The following PALLD variants were observed in gnomAD, a reference collection of about 807,000 sequenced individuals.
The protein encoded by PALLD is palladin, cytoskeletal associated protein, also known as palladin.
Under a neutral mutation model 123.5 loss-of-function variants are expected in PALLD, and 61 were observed. That is an observed-to-expected ratio of 0.49 (90% CI 0.40 to 0.61). PALLD has a LOEUF of 0.61. Ranked by LOEUF, PALLD falls within the 20% of genes least tolerant of loss-of-function variation. The pLI is 0.00. For missense variants in PALLD, 1,273 were observed against 1,377.0 expected (o/e 0.92, Z 1.20); for synonymous variants, 465 against 496.4 (o/e 0.94, Z 0.84).
At chr4:168,791,502 G>T (rs532603271) in intron 10 of PALLD, among the ~76,000 whole-genome samples, 1 of 152,172 alleles carries the variant, frequency 6.6e-6, no homozygotes, top group African/African-American at 2.4e-5. Flanking sequence ...AGAAAAAAGC[G>T]CAGGAGGAAC....
intron 2 of PALLD, among the ~76,000 whole-genome samples, chr4:168,516,003 C>G (rs970828945): frequency 6.6e-6 from 1 of 152,184 alleles, no homozygotes; most frequent in Non-Finnish European, 1.5e-5. Context: ...CAAGGCAAGG[C>G]ATTTGTACTT....
At chr4:168,877,760 C>T in intron 10 of PALLD, 2 of 1,181,150 alleles carry the variant, frequency 1.7e-6, no homozygotes, top group Admixed American at 4.6e-5. Context: ...GAACCAAATC[C>T]GACTGGAGCA....
chr4:168,529,366 T>G (rs977555247), intron 2 of PALLD, among the ~76,000 whole-genome samples: 1 of 151,946 alleles, frequency 6.6e-6, no homozygotes, highest in African/African-American at 2.4e-5. Context: ...TGTTTTTCTC[T>G]TCAAAATCTG....
intron 10 of PALLD, among the ~76,000 whole-genome samples, chr4:168,815,123 G>T (rs1741722469): frequency 6.6e-6 from 1 of 152,156 alleles, no homozygotes; most frequent in Non-Finnish European, 1.5e-5. Context: ...AGAACAAGAT[G>T]AATGAGCAAA....
intron 8 of PALLD, among the ~76,000 whole-genome samples, chr4:168,697,485 G>A (rs1783244821): frequency 1.3e-5 from 2 of 152,188 alleles, no homozygotes; most frequent in Admixed American, 6.5e-5. Context: ...ATCATTAGGA[G>A]GTTCATTGCC....
chr4:168,827,494 T>C (rs570413710), intron 10 of PALLD, among the ~76,000 whole-genome samples: 1 of 152,394 alleles, frequency 6.6e-6, no homozygotes, highest in African/African-American at 2.4e-5. Flanking sequence ...AAGTTGCTTA[T>C]TCTTAAAAAT....
intron 2 of PALLD, among the ~76,000 whole-genome samples, chr4:168,636,968 G>A (rs2723698): frequency 0.19 from 28,230 of 151,952 alleles, 3,302 homozygotes; most frequent in African/African-American, 0.34. Context: ...AGCATGCTTT[G>A]CTGGTTAGAA....
chr4:168,694,438 C>T (rs1161764577), intron 8 of PALLD, among the ~76,000 whole-genome samples: 1 of 152,128 alleles, frequency 6.6e-6, no homozygotes, highest in Admixed American at 6.6e-5. Context: ...TCTCCCCCTC[C>T]TCTCTGTCTC....
intron 2 of PALLD, among the ~76,000 whole-genome samples, chr4:168,559,137 G>A (rs1451715254): frequency 1.3e-5 from 2 of 152,188 alleles, no homozygotes; most frequent in East Asian, 1.9e-4. Context: ...ACATAGTAAA[G>A]TGTAAATGGA....
At chr4:168,915,025 T>C (rs961767181) in intron 16 of PALLD, among the ~76,000 whole-genome samples, 10 of 152,234 alleles carry the variant, frequency 6.6e-5, no homozygotes, top group Admixed American at 1.3e-4. Flanking sequence ...TTCTCTTTGC[T>C]TCTCTTGTTG....
intron 10 of PALLD, among the ~76,000 whole-genome samples, chr4:168,774,511 G>A (rs1561508952): frequency 2.0e-5 from 3 of 151,906 alleles, no homozygotes; most frequent in Non-Finnish European, 4.4e-5. Flanking sequence ...GCGGATCACT[G>A]GAGGTCAGGA....
chr4:168,627,839 A>G (rs1238178655), intron 2 of PALLD, among the ~76,000 whole-genome samples: 2 of 152,224 alleles, frequency 1.3e-5, no homozygotes, highest in African/African-American at 4.8e-5. Context: ...CAACAAAGGA[A>G]ATAGAATTGG....
chr4:168,705,429 A>C (rs1055177512), intron 8 of PALLD, among the ~76,000 whole-genome samples: 3 of 152,212 alleles, frequency 2.0e-5, no homozygotes, highest in Non-Finnish European at 2.9e-5. Flanking sequence ...CTTTATCTCA[A>C]AAAATTTTCT....
intron 2 of PALLD, among the ~76,000 whole-genome samples, chr4:168,515,102 G>C (rs1200080233): frequency 6.6e-6 from 1 of 152,026 alleles, no homozygotes; most frequent in East Asian, 1.9e-4. Flanking sequence ...GAGTTTTTTG[G>C]GTTTGGAGGC....
At chr4:168,793,145 ATGTGTG>A (rs1235072137) in intron 10 of PALLD, among the ~76,000 whole-genome samples, 2 of 94,976 alleles carry the variant, frequency 2.1e-5, no homozygotes, top group Non-Finnish European at 4.4e-5. Context: ...ATACATATAT[ATGTGTG>A]CATATATATA....
At chr4:168,596,241 A>G (rs1472077464) in intron 2 of PALLD, among the ~76,000 whole-genome samples, 1 of 152,156 alleles carries the variant, frequency 6.6e-6, no homozygotes, top group Non-Finnish European at 1.5e-5. Context: ...AAAGATGCAG[A>G]CTATATATTA....
intron 2 of PALLD, among the ~76,000 whole-genome samples, chr4:168,606,760 C>T (rs927213815): frequency 1.3e-5 from 2 of 151,252 alleles, no homozygotes; most frequent in South Asian, 4.2e-4. Flanking sequence ...GGTGGCTGAA[C>T]ACCCCAGCAG....
chr4:168,780,308 C>G (rs550102912), intron 10 of PALLD, among the ~76,000 whole-genome samples: 1 of 152,344 alleles, frequency 6.6e-6, no homozygotes, highest in East Asian at 1.9e-4. Flanking sequence ...CTATTTCCTA[C>G]CAACCTTTTT....
intron 14 of PALLD, among the ~76,000 whole-genome samples, chr4:168,902,478 A>T (rs1035681281): frequency 2.0e-5 from 3 of 152,092 alleles, no homozygotes; most frequent in Admixed American, 1.3e-4. Context: ...ACTTAAATCG[A>T]AAATAATAAT....
Sources: gnomAD v4.1 joint callset for allele counts (sites outside exome capture counted in the v4.1 genomes callset) on GRCh38, gnomAD v4.1.1 for gene constraint, MANE v1.5 for transcripts, NCBI Gene and HGNC (gene_info 2026-07-23, HGNC 2026-07-21) for gene names.